The following ZNF827 variants were observed in gnomAD, a reference collection of about 807,000 sequenced individuals.
The protein encoded by ZNF827 is zinc finger protein 827.
In ZNF827, 13 loss-of-function variants were observed where a neutral mutation model predicts 102.4. The observed-to-expected ratio is 0.13, with a 90% CI of 0.08 to 0.20. The LOEUF (loss-of-function observed/expected upper bound fraction) is 0.20. Among genes scored for constraint, ZNF827 ranks in the 10% least tolerant of loss-of-function variants. The pLI is 1.00. For synonymous variants in ZNF827, 523 were observed against 536.2 expected, an observed-to-expected ratio of 0.98 and a Z score of 0.34; for missense variants, 1,103 against 1,344.4, an observed-to-expected ratio of 0.82 and a Z score of 2.81.
In ZNF827 at chr4:145,832,959, T is replaced by C. The variant is rs187224485; in HGVS notation, c.2280-9434A>G. ...TGCACCCAGGTGAAATAAACAACCA[T>C]GTTGCTCACACAAGGCCTGTTTGGT... On this transcript the variant is annotated intron_variant, in intron 7 of 14. Coordinates refer to ENST00000508784, the MANE Select transcript of ZNF827 (RefSeq NM_001306215.2). The C allele has an allele frequency of 4.8e-3, 744 of 154,246 alleles. 5 individuals carry two copies. The highest frequency in any genetic ancestry group is 0.016 in the African/African-American group (679 of 41,566). 9.6% of individuals were successfully genotyped at this position (154,246 alleles called of 1,614,324 possible).
intron 8 of ZNF827, among the ~76,000 whole-genome samples, chr4:145,798,666 C>CAAT (rs758296464): frequency 1.3e-5 from 2 of 151,928 alleles, no homozygotes; most frequent in Non-Finnish European, 2.9e-5. Context: ...AGATTTGTCT[C>CAAT]AATAATAATA....
rs573797271 is a variant in ZNF827 at position 145,801,372 on chromosome 4, C to T, written c.2384-21861G>A. ...CTGCAGACATTTTCAAACATGTAAG[C>T]TTTTAAAGCCCCATTATCATGTTCT... On this transcript the variant is annotated intron_variant, in intron 8 of 14. Coordinates refer to ENST00000508784, the MANE Select transcript of ZNF827 (RefSeq NM_001306215.2). Among the ~76,000 whole-genome samples, 61 of 152,316 alleles carry T rather than the reference C, an allele frequency of 4.0e-4. 1 individual carries two copies. The South Asian group carries it at 0.012, about 30-fold the overall frequency.
chr4:145,833,307 T>C (rs1744442445), intron 7 of ZNF827: 1 of 153,374 alleles, frequency 6.5e-6, no homozygotes, highest in Admixed American at 6.5e-5. Flanking sequence ...AGACACGTTT[T>C]ATCCGTGGAC....
At chr4:145,933,296 TAG>T (rs1753942765) in intron 1 of ZNF827, among the ~76,000 whole-genome samples, 1 of 152,186 alleles carries the variant, frequency 6.6e-6, no homozygotes, top group Non-Finnish European at 1.5e-5. Flanking sequence ...TTGGAATCAT[TAG>T]CTCTGGATGA....
intron 6 of ZNF827, among the ~76,000 whole-genome samples, chr4:145,848,848 T>C (rs1400844278): frequency 6.6e-6 from 1 of 152,228 alleles, no homozygotes; most frequent in Non-Finnish European, 1.5e-5. Flanking sequence ...TCCTCATACC[T>C]TCATCTTTTG....
At chr4:145,805,123 TTTTGTG>T (rs748476215) in intron 8 of ZNF827, among the ~76,000 whole-genome samples, 100 of 91,392 alleles carry the variant, frequency 1.1e-3, no homozygotes, top group Non-Finnish European at 2.1e-3. Context: ...GAGCAATTCC[TTTTGTG>T]TGTGTGTGTG....
At chr4:145,803,441 C>T (rs1279225167) in intron 8 of ZNF827, among the ~76,000 whole-genome samples, 1 of 151,964 alleles carries the variant, frequency 6.6e-6, no homozygotes, top group Non-Finnish European at 1.5e-5. Context: ...CACTTCTTTG[C>T]TAGCAAACAG....
chr4:145,823,052 G>A (rs904755832), intron 8 of ZNF827, among the ~76,000 whole-genome samples: 5 of 152,182 alleles, frequency 3.3e-5, no homozygotes, highest in African/African-American at 1.2e-4. Context: ...CTGCCCTACT[G>A]GGGACTAGCA....
At chr4:145,927,931 A>G (rs891879819) in intron 1 of ZNF827, among the ~76,000 whole-genome samples, 5 of 152,212 alleles carry the variant, frequency 3.3e-5, no homozygotes, top group Admixed American at 3.3e-4. Flanking sequence ...AAGCACAGAG[A>G]TGGTTAAGTG....
intron 1 of ZNF827, among the ~76,000 whole-genome samples, chr4:145,934,618 GT>G (rs1257188554): frequency 6.6e-6 from 1 of 152,226 alleles, no homozygotes; most frequent in East Asian, 1.9e-4. Context: ...ATAATACCAA[GT>G]GCTAGTCTGG....
intron 8 of ZNF827, among the ~76,000 whole-genome samples, chr4:145,780,390 C>A (rs994840239): frequency 1.3e-5 from 2 of 152,194 alleles, no homozygotes; most frequent in African/African-American, 4.8e-5. Context: ...AACTACCACA[C>A]GCTGTGCCAC....
intron 11 of ZNF827, among the ~76,000 whole-genome samples, chr4:145,774,026 G>C (rs184419587): frequency 1.3e-4 from 20 of 152,300 alleles, no homozygotes; most frequent in African/African-American, 3.8e-4. Context: ...TACTGAACTA[G>C]TGACTGAAAC....
At chr4:145,773,766 G>T (rs559526485) in intron 11 of ZNF827, among the ~76,000 whole-genome samples, 1 of 152,214 alleles carries the variant, frequency 6.6e-6, no homozygotes, top group African/African-American at 2.4e-5. Flanking sequence ...TGTTTCAGGA[G>T]AATCTGGTTT....
intron 8 of ZNF827, among the ~76,000 whole-genome samples, chr4:145,801,895 C>T (rs576411602): frequency 4.3e-4 from 61 of 141,500 alleles, no homozygotes; most frequent in Non-Finnish European, 7.3e-4. Context: ...ATTATTTCAA[C>T]GTGAGCATTC....
intron 1 of ZNF827, among the ~76,000 whole-genome samples, chr4:145,905,614 A>T (rs1405257040): frequency 6.6e-6 from 1 of 152,182 alleles, no homozygotes; most frequent in Non-Finnish European, 1.5e-5. Context: ...TCATTTCCCC[A>T]GTGGCTTCTT....
intron 3 of ZNF827, among the ~76,000 whole-genome samples, chr4:145,886,804 T>G (rs191277902): frequency 3.9e-5 from 6 of 151,932 alleles, no homozygotes; most frequent in Non-Finnish European, 7.4e-5. Context: ...AGGAAACCAA[T>G]TTTTCCAAAC....
intron 1 of ZNF827, among the ~76,000 whole-genome samples, chr4:145,937,895 C>T (rs1461212916): frequency 2.6e-5 from 4 of 150,994 alleles, no homozygotes; most frequent in African/African-American, 9.7e-5. Context: ...GCCCCCAGCC[C>T]TCCGCGCGCC....
At chr4:145,886,531 T>A (rs1471840702) in intron 3 of ZNF827, among the ~76,000 whole-genome samples, 2 of 152,192 alleles carry the variant, frequency 1.3e-5, no homozygotes, top group Non-Finnish European at 2.9e-5. Context: ...AGGTAACCTG[T>A]CAAGTAATTC....
intron 8 of ZNF827, among the ~76,000 whole-genome samples, chr4:145,785,300 G>T (rs1738689548): frequency 1.3e-5 from 2 of 152,142 alleles, no homozygotes; most frequent in Middle Eastern, 3.2e-3. Flanking sequence ...AGTTATTCAA[G>T]GGGACATGTC....
Sources: allele counts gnomAD v4.1 joint callset (sites outside exome capture counted in the v4.1 genomes callset), GRCh38; gene constraint gnomAD v4.1.1; transcripts MANE v1.5; gene names NCBI Gene and HGNC (gene_info 2026-07-23, HGNC 2026-07-21).